RXRA: variants seen among roughly 807,000 people sequenced by gnomAD.
RXRA encodes retinoid X receptor alpha.
In RXRA, 5 loss-of-function variants were observed where a neutral mutation model predicts 44.5. That is an observed-to-expected ratio of 0.11 (90% CI 0.06 to 0.24). RXRA has a LOEUF of 0.24. Among genes scored for constraint, RXRA ranks in the 10% least tolerant of loss-of-function variants. RXRA has a pLI of 1.00. For synonymous variants in RXRA, 291 were observed against 271.4 expected (o/e 1.07, Z -0.71); for missense variants, 412 against 646.5 (o/e 0.64, Z 3.93).
intron 1 of RXRA, among the ~76,000 whole-genome samples, chr9:134,351,024 A>T (rs1452874646): frequency 6.6e-6 from 1 of 152,180 alleles, no homozygotes; most frequent in East Asian, 1.9e-4. Context: ...TTCCTATAAC[A>T]TGGAGCACCG....
At chr9:134,377,412 C>T (rs1316517812) in intron 1 of RXRA, among the ~76,000 whole-genome samples, 1 of 152,174 alleles carries the variant, frequency 6.6e-6, no homozygotes, top group Admixed American at 6.5e-5. Flanking sequence ...GGGAGGGGTC[C>T]CCAGTGTCCA....
intron 6 of RXRA, chr9:134,422,685 C>G: frequency 4.1e-6 from 4 of 985,312 alleles, no homozygotes; most frequent in Non-Finnish European, 3.6e-6. Flanking sequence ...CCGGGACACT[C>G]CCCCGTCCTG....
At chr9:134,428,006 G>A (rs1044935965) in intron 6 of RXRA, among the ~76,000 whole-genome samples, 1 of 152,086 alleles carries the variant, frequency 6.6e-6, no homozygotes, top group African/African-American at 2.4e-5. Context: ...GTCCCTGACT[G>A]TGTGACTGCA....
At chr9:134,328,461 C>T (rs1218586943) in intron 1 of RXRA, among the ~76,000 whole-genome samples, 1 of 152,076 alleles carries the variant, frequency 6.6e-6, no homozygotes, top group Non-Finnish European at 1.5e-5. Context: ...TCTCCCTGGG[C>T]ACTCCCCTGC....
intron 1 of RXRA, among the ~76,000 whole-genome samples, chr9:134,334,958 T>A (rs903307508): frequency 6.6e-6 from 1 of 152,070 alleles, no homozygotes; most frequent in Non-Finnish European, 1.5e-5. Context: ...CCTGGGGGCA[T>A]GGCAGAGCAG....
intron 1 of RXRA, among the ~76,000 whole-genome samples, chr9:134,360,822 AC>A (rs1830341962): frequency 6.6e-6 from 1 of 152,082 alleles, no homozygotes; most frequent in Non-Finnish European, 1.5e-5. Flanking sequence ...GAAGCTGGGG[AC>A]CCCGAGGCCT....
In RXRA at chr9:134,433,541, C is replaced by A. The variant is rs867213497; in HGVS notation, c.1136-561C>A. Among the ~76,000 whole-genome samples the A allele has an allele frequency of 2.0e-5, 3 of 150,058 alleles. No homozygotes were observed. The highest frequency in any genetic ancestry group is 2.9e-5 in the Non-Finnish European group (2 of 67,874). ...GCCTTGGGGGCCAAGGTGGCATTCA[C>A]AGGGGGTCCCTGGGCCTTGGAGGTT... On this transcript the variant is annotated intron_variant, in intron 8 of 9. Coordinates refer to ENST00000481739, the MANE Select transcript of RXRA (RefSeq NM_002957.6). This position sits in a 1 kb window ranked among gnomAD's most constrained non-coding sequence, Gnocchi z 4.2.
Position 134,417,396 on chromosome 9 carries a change from C to A in RXRA, c.780+69C>A. On this transcript the variant is annotated intron_variant, in intron 5 of 9. Transcript: ENST00000481739. This position sits in a 1 kb window ranked among gnomAD's most constrained non-coding sequence, Gnocchi z 6.1. The stretch of plus-strand genomic sequence containing the variant: ...AGTTTCCCTCACTCACTCACCCTCC[C>A]ACCTGAGCAGCTGATGAGCCAGAGA... 6.5e-7 allele frequency: 1 copy of A among 1,546,350 alleles called. No homozygotes were observed.
intron 1 of RXRA, 87 bp from the exon 2 acceptor site, chr9:134,401,545 G>C: frequency 1.9e-6 from 3 of 1,590,724 alleles, no homozygotes; most frequent in South Asian, 2.2e-5. Flanking sequence ...CCGCAGGTGC[G>C]TGCATCTGTA....
Position 134,365,263 on chromosome 9 carries a change from C to T in RXRA, c.29-36369C>T, listed in dbSNP as rs746736293. On this transcript the variant is annotated intron_variant, in intron 1 of 9. Coordinates refer to ENST00000481739, the MANE Select transcript of RXRA (RefSeq NM_002957.6). This position sits in a 1 kb window ranked among gnomAD's most constrained non-coding sequence, Gnocchi z 4.0. ...ATGAGGAGATAGAGGTTGAGGATCA[C>T]AGCCCCAGCCTGCAGGCGCTCGAGC... Among the ~76,000 whole-genome samples the T allele has an allele frequency of 1.3e-5, 2 of 152,194 alleles. No homozygotes were observed. The highest frequency in any genetic ancestry group is 2.4e-5 in the African/African-American group (1 of 41,444).
chr9:134,430,214 A>G (rs975024744), intron 7 of RXRA, among the ~76,000 whole-genome samples: 11 of 152,196 alleles, frequency 7.2e-5, no homozygotes, highest in Non-Finnish European at 1.5e-4. Flanking sequence ...CCACGAGTCT[A>G]GAGAGCCACA....
chr9:134,415,956 C>T (rs1831227236), intron 4 of RXRA, among the ~76,000 whole-genome samples: 1 of 152,190 alleles, frequency 6.6e-6, no homozygotes, highest in African/African-American at 2.4e-5. Context: ...CTCACCGGTA[C>T]AATGGGGTAA....
intron 5 of RXRA, among the ~76,000 whole-genome samples, chr9:134,419,440 G>A (rs1048106426): frequency 2.0e-5 from 3 of 152,192 alleles, no homozygotes; most frequent in African/African-American, 7.2e-5. Flanking sequence ...GTCTCTCTGT[G>A]CCCGCTCACT....
intron 1 of RXRA, among the ~76,000 whole-genome samples, chr9:134,373,712 C>T (rs1206635320): frequency 6.6e-6 from 1 of 152,238 alleles, no homozygotes; most frequent in Non-Finnish European, 1.5e-5. Flanking sequence ...CACAGGAAGC[C>T]CCCCTTGATG....
chr9:134,368,389 G>A (rs1246052549), intron 1 of RXRA, among the ~76,000 whole-genome samples: 16 of 152,258 alleles, frequency 1.1e-4, no homozygotes, highest in Admixed American at 9.2e-4. Flanking sequence ...GATAGCCCCT[G>A]CCATGGGGGC....
At chr9:134,394,866 C>T (rs749414833) in intron 1 of RXRA, among the ~76,000 whole-genome samples, 4 of 152,156 alleles carry the variant, frequency 2.6e-5, no homozygotes, top group Non-Finnish European at 4.4e-5. Flanking sequence ...CCATGGAGCT[C>T]AAGGAGGGAG....
intron 1 of RXRA, among the ~76,000 whole-genome samples, chr9:134,336,801 C>A (rs782056394): frequency 3.0e-4 from 46 of 152,208 alleles, no homozygotes; most frequent in Admixed American, 5.9e-4. Flanking sequence ...AGAAATGTGA[C>A]GGGTGAGCCC....
intron 1 of RXRA, among the ~76,000 whole-genome samples, chr9:134,386,264 C>A (rs1286016005): frequency 6.6e-6 from 1 of 152,254 alleles, no homozygotes; most frequent in East Asian, 1.9e-4. Flanking sequence ...GCCCGCCGGC[C>A]AGCGGCCGAT....
At chr9:134,352,085 G>A (rs1037493543) in intron 1 of RXRA, among the ~76,000 whole-genome samples, 58 of 152,354 alleles carry the variant, frequency 3.8e-4, no homozygotes, top group Non-Finnish European at 6.0e-4. Flanking sequence ...CAGGCTGCGG[G>A]AGTCAGAGGC....
Sources: allele counts gnomAD v4.1 joint callset (sites outside exome capture counted in the v4.1 genomes callset), GRCh38; gene constraint gnomAD v4.1.1; non-coding constraint Gnocchi (gnomAD v3.1); transcripts MANE v1.5; gene names NCBI Gene and HGNC (gene_info 2026-07-23, HGNC 2026-07-21).